The following SH2B1 variants were observed in gnomAD, a reference collection of about 807,000 sequenced individuals.
SH2B1 encodes SH2B adapter protein 1.
SH2B1 carries 15 observed loss-of-function variants against 62.6 expected under a neutral mutation model. The observed-to-expected ratio is 0.24, with a 90% CI of 0.16 to 0.37. SH2B1 has a LOEUF of 0.37. Ranked by LOEUF, SH2B1 falls within the 10% of genes least tolerant of loss-of-function variation. The pLI is 1.00. For missense variants in SH2B1, 925 were observed against 1,015.6 expected, an observed-to-expected ratio of 0.91 and a Z score of 1.21; for synonymous variants, 443 against 438.0, an observed-to-expected ratio of 1.01 and a Z score of -0.14.
At chr16:28,848,559 G>A (rs1962034827) in intron 1 of SH2B1, among the ~76,000 whole-genome samples, 1 of 152,008 alleles carries the variant, frequency 6.6e-6, no homozygotes, top group African/African-American at 2.4e-5. Context: ...GCTACCCTGG[G>A]TAGTAGGAAC....
At position 28,872,092 on chromosome 16, in the gene SH2B1, G is replaced by A; in HGVS notation, c.1514-98G>A. 1 of 1,383,486 alleles carries A rather than the reference G, an allele frequency of 7.2e-7. No individual in the cohort carries two copies. The highest frequency in any genetic ancestry group is 1.0e-6 in the Non-Finnish European group (1 of 982,120). The allele number at this position is 1,383,486 out of a possible 1,614,324, so 85.7% of individuals were successfully genotyped here. A position where few individuals can be genotyped will look rare whatever the true frequency, so the allele number is the denominator to read the frequency against. ...CCCAGGGGAGTTGGGGACGCATGTG[G>A]GGAGCAGGCGCCTTGAGGGGAAGGC... On this transcript the variant is annotated intron_variant, in intron 5 of 7. Transcript: ENST00000684370. The surrounding 1 kb of genome is among the most constrained non-coding windows in gnomAD (Gnocchi z 5.3).
chr16:28,853,066 G>GTACATATATATTTATATATATTTA (rs1353390371), intron 1 of SH2B1, among the ~76,000 whole-genome samples: 1 of 92,810 alleles, frequency 1.1e-5, no homozygotes, highest in Non-Finnish European at 2.0e-5. Flanking sequence ...ACATATATAT[G>GTACATATATATTTATATATATTTA]TACATATATA....
rs756780521 is a variant in SH2B1, at chr16:28,867,041, C to T, written c.939+8C>T. 9 of 1,598,616 alleles carry T rather than the reference C, an allele frequency of 5.6e-6. No individual in the cohort carries two copies. The South Asian group carries it at 7.7e-5, about 14-fold the overall frequency. On this transcript the variant is annotated splice_region_variant and intron_variant, in intron 1 of 7. Transcript: ENST00000684370. ...TTCTTTGTACCACCCAAGGTGAGGCCCCTTGGAGGGTGGGTGACTGAGAGC... is the reference window on the plus strand; with the variant it reads ...TTCTTTGTACCACCCAAGGTGAGGCTCCTTGGAGGGTGGGTGACTGAGAGC...
chr16:28,849,038 C>T (rs966548597), intron 1 of SH2B1, among the ~76,000 whole-genome samples: 2 of 152,190 alleles, frequency 1.3e-5, no homozygotes, highest in African/African-American at 2.4e-5. Context: ...TAAGACTTCT[C>T]TCTTCCTGGC....
In SH2B1 at chr16:28,852,831, T is replaced by C. The variant is rs1227669604; in HGVS notation, c.-301+6004T>C. Among the ~76,000 whole-genome samples, 120 of 27,720 alleles carry C rather than the reference T, an allele frequency of 4.3e-3. 14 individuals are homozygous for C. Among genetic ancestry groups the C allele is most frequent in the African/African-American group, 0.01 (50 of 4,774 alleles). 18.2% of individuals were successfully genotyped at this position (27,720 alleles called of 152,430 possible). A position where few individuals can be genotyped will look rare whatever the true frequency, so the allele number is the denominator to read the frequency against. On this transcript the variant is annotated intron_variant, in intron 1 of 10. Transcript: ENST00000322610. ...TTACATATATTTACATATATATTTA[T>C]ATATATATACATATATATATTTTTA...
chr16:28,848,888 T>C (rs1021969511), intron 1 of SH2B1, among the ~76,000 whole-genome samples: 1 of 152,068 alleles, frequency 6.6e-6, no homozygotes, highest in Non-Finnish European at 1.5e-5. Flanking sequence ...GCCAGGCTGG[T>C]CTTGAACTCC....
rs920337302 is a variant in SH2B1 at position 28,865,578 on chromosome 16, C to T, written c.-517C>T. On this transcript the variant is annotated 5_prime_UTR_variant, in exon 1 of 8. Transcript: ENST00000684370. ...GGAGTTCTGAAACTTTTCTGAGCTT[C>T]GGTTTCCTCATCTGTTCGAGAGGTC... 49 of 985,638 alleles carry T rather than the reference C, an allele frequency of 5.0e-5. No individual in the cohort carries two copies. The highest frequency in any genetic ancestry group is 5.1e-5 in the Non-Finnish European group (42 of 830,156). 61.1% of individuals were successfully genotyped at this position (985,638 alleles called of 1,614,324 possible).
At chr16:28,849,175 C>T (rs889460550) in intron 1 of SH2B1, among the ~76,000 whole-genome samples, 1 of 152,156 alleles carries the variant, frequency 6.6e-6, no homozygotes, top group Non-Finnish European at 1.5e-5. Context: ...GCAGTCACAG[C>T]TCACTGCAGC....
upstream of SH2B1, chr16:28,863,543 T>G (rs1962523008): frequency 1.2e-6 from 1 of 819,538 alleles, no homozygotes; most frequent in Non-Finnish European, 1.9e-6. Flanking sequence ...AGCCGGGCCC[T>G]GGGACTCTAT....
In SH2B1 at chr16:28,866,348, G is replaced by A. The variant is rs1219506504; in HGVS notation, c.254G>A (p.Gly85Asp). ...HFEAEVARAS[G>D]SLSPPILAPL... ...GAAGCCGAGGTGGCCCGGGCCTCTGGCTCCCTGTCGCCACCCATCCTGGCT... is the reference window on the plus strand; with the variant it reads ...GAAGCCGAGGTGGCCCGGGCCTCTGACTCCCTGTCGCCACCCATCCTGGCT... The change falls in exon 1 of 8, where the codon GGC becomes GAC. Residue 85 changes from glycine (G) to aspartate (D), a missense_variant. This residue lies in a region of SH2B1 where 683 missense variants were observed against 704.0 expected (regional missense o/e 0.97). Coordinates refer to ENST00000684370, the MANE Select transcript of SH2B1 (RefSeq NM_001387430.1). The surrounding 1 kb of genome is among the most constrained non-coding windows in gnomAD (Gnocchi z 6.3). 6.2e-7 allele frequency: 1 copy of A among 1,612,736 alleles called. No homozygotes were observed.
At chr16:28,849,871 C>T (rs902195933) in intron 1 of SH2B1, among the ~76,000 whole-genome samples, 4 of 152,112 alleles carry the variant, frequency 2.6e-5, no homozygotes, top group East Asian at 1.9e-4. Flanking sequence ...TGCAGTGAGC[C>T]GATATCACGC....
At chr16:28,863,461 G>A, upstream of SH2B1, 1 of 518,824 alleles carries the variant, frequency 1.9e-6, no homozygotes, top group Admixed American at 3.5e-5. Flanking sequence ...CGGCGCTCTA[G>A]GCTGCAGCGG....
chr16:28,867,507 C>T (rs1006206914), intron 2 of SH2B1, 75 bp downstream of exon 2: 23 of 1,138,918 alleles, frequency 2.0e-5, no homozygotes, highest in Admixed American at 1.5e-4. Context: ...AAGCAAGTGG[C>T]GTCGCCGAAA....
Position 28,864,131 on chromosome 16 carries a change from G to A in SH2B1, c.-1964G>A. 4 of 1,200,872 alleles carry A rather than the reference G, an allele frequency of 3.3e-6. No individual in the cohort carries two copies. The highest frequency in any genetic ancestry group is 4.2e-6 in the Non-Finnish European group (4 of 959,808). The allele number at this position is 1,200,872 out of a possible 1,614,324, so 74.4% of individuals were successfully genotyped here. ...GTGGATGCGGCCCCGGAAAATGGGC[G>A]GCTGGGGGGTGTCCAGGGAGTAGGG... is the stretch of plus-strand genomic sequence containing the variant. On this transcript the variant is annotated 5_prime_UTR_variant, in exon 1 of 8. Transcript: ENST00000684370.
chr16:28,854,182 C>T (rs1170790564), intron 1 of SH2B1, among the ~76,000 whole-genome samples: 2 of 151,598 alleles, frequency 1.3e-5, no homozygotes, highest in Non-Finnish European at 2.9e-5. Context: ...AGTTCCAGCT[C>T]TGTGGGAGGC....
chr16:28,873,641 C>G lies in SH2B1; in HGVS notation c.2092C>G (p.Leu698Val), dbSNP rs916179518. The G allele has an allele frequency of 8.5e-6, 13 of 1,535,420 alleles. No individual in the cohort carries two copies. In the South Asian group the frequency reaches 1.5e-4, roughly 17 times the overall value. ...VPEELVPVVE[L>V]VPVVELEEAI... ...GGAAGAGCTGGTCCCCGTGGTTGAG[C>G]TGGTCCCCGTGGTTGAATTGGAAGA... The change falls in exon 8 of 8, where the codon CTG (leucine) becomes GTG (valine). Residue 698 changes from leucine to valine, a missense_variant. Physicochemically the swap from Leu to Val is conservative, Grantham distance 32. Transcript: ENST00000684370. This position sits in a 1 kb window ranked among gnomAD's most constrained non-coding sequence, Gnocchi z 4.2.
At chr16:28,858,552 G>C (rs1962373105) in intron 1 of SH2B1, among the ~76,000 whole-genome samples, 1 of 152,032 alleles carries the variant, frequency 6.6e-6, no homozygotes, top group Non-Finnish European at 1.5e-5. Context: ...GAACTTCTGA[G>C]TAACAGACAT....
chr16:28,872,460 G>A lies in SH2B1; in HGVS notation c.1725+59G>A. The A allele has an allele frequency of 6.4e-7, 1 of 1,569,072 alleles. No individual in the cohort carries two copies. The highest frequency in any genetic ancestry group is 8.7e-7 in the Non-Finnish European group (1 of 1,152,756). On this transcript the variant is annotated intron_variant, in intron 6 of 7. Transcript: ENST00000684370. The surrounding 1 kb of genome is among the most constrained non-coding windows in gnomAD (Gnocchi z 5.3). The stretch of plus-strand genomic sequence containing the variant: ...GCATAGTTGGCAGTGGGGTGGGGGA[G>A]CACTGCCGGGGGAGGGGGTTTGTAC...
Position 28,864,953 on chromosome 16 carries a change from A to G in SH2B1, c.-1142A>G, listed in dbSNP as rs1962604486. The G allele has an allele frequency of 2.8e-6, 1 of 353,120 alleles. No individual in the cohort carries two copies. The highest frequency in any genetic ancestry group is 4.0e-6 in the Non-Finnish European group (1 of 251,972). The allele number at this position is 353,120 out of a possible 1,614,324, so 21.9% of individuals were successfully genotyped here. ...GGATCATTAGCTTTGTTTAACAGATAGAAAAACGGAGGCTCAGAGAGGACG... is the reference window on the plus strand; with the variant it reads ...GGATCATTAGCTTTGTTTAACAGATGGAAAAACGGAGGCTCAGAGAGGACG... On this transcript the variant is annotated 5_prime_UTR_variant, in exon 1 of 8. In the 5' UTR this introduces an upstream ATG that the reference lacks. Transcript: ENST00000684370.
Sources: allele counts gnomAD v4.1 joint callset (sites outside exome capture counted in the v4.1 genomes callset), GRCh38; gene constraint gnomAD v4.1.1; regional missense constraint gnomAD v4.1.1; non-coding constraint Gnocchi (gnomAD v3.1); transcripts MANE v1.5; gene names NCBI Gene and HGNC (gene_info 2026-07-23, HGNC 2026-07-21).